Variants in NALCN observed in about 807,000 individuals in gnomAD.
NALCN encodes sodium leak channel, non-selective.
In NALCN, 111 loss-of-function variants were observed where a neutral mutation model predicts 225.3. The observed-to-expected ratio is 0.49, with a 90% confidence interval of 0.42 to 0.58. NALCN has a LOEUF of 0.58. NALCN is among the 20% of genes least tolerant of loss of function. The pLI is 0.00. For missense variants in NALCN, 1,378 were observed against 2,202.4 expected, an observed-to-expected ratio of 0.63 and a Z score of 7.49; for synonymous variants, 764 against 769.0, an observed-to-expected ratio of 0.99 and a Z score of 0.11.
chr13:101,283,917 T>C lies in NALCN; in HGVS notation c.1134+16A>G, dbSNP rs377412669. 8.2e-6 allele frequency: 13 copies of C among 1,579,764 alleles called. No homozygotes were observed. The highest frequency in any genetic ancestry group is 1.0e-5 in the Non-Finnish European group (12 of 1,166,260). On this transcript the variant is annotated intron_variant, in intron 10 of 43. Coordinates refer to ENST00000251127, the MANE Select transcript of NALCN (RefSeq NM_052867.4). ...ACCTTTGCTGGGCGATTTTTAAAAA[T>C]GTCATTGTACTGCACCTGGAGGCAG...
At chr13:101,322,770 T>C (rs1175323057) in intron 7 of NALCN, among the ~76,000 whole-genome samples, 1 of 152,176 alleles carries the variant, frequency 6.6e-6, no homozygotes, top group Non-Finnish European at 1.5e-5. Context: ...TGAAATTTAG[T>C]GGCATGATCT....
At chr13:101,212,834 A>T (rs2040577390) in intron 13 of NALCN, among the ~76,000 whole-genome samples, 1 of 152,046 alleles carries the variant, frequency 6.6e-6, no homozygotes, top group South Asian at 2.1e-4. Context: ...TATCCATCTG[A>T]TAGGAAGGAT....
At chr13:101,199,451 A>G (rs895962025) in intron 13 of NALCN, among the ~76,000 whole-genome samples, 1 of 151,822 alleles carries the variant, frequency 6.6e-6, no homozygotes, top group African/African-American at 2.4e-5. Context: ...CATATACACA[A>G]TGGAATACTA....
chr13:101,230,240 A>T (rs1021193380), intron 12 of NALCN, among the ~76,000 whole-genome samples: 2 of 152,240 alleles, frequency 1.3e-5, no homozygotes, highest in African/African-American at 4.8e-5. Context: ...TGGGATACAG[A>T]TACTCAACCT....
intron 6 of NALCN, among the ~76,000 whole-genome samples, chr13:101,358,113 T>C (rs1594736552): frequency 6.6e-6 from 1 of 152,104 alleles, no homozygotes. Flanking sequence ...ATTCAGGACA[T>C]AGACATGGAC....
chr13:101,306,529 C>T (rs572331730), intron 7 of NALCN, among the ~76,000 whole-genome samples: 74 of 152,312 alleles, frequency 4.9e-4, no homozygotes, highest in African/African-American at 1.6e-3. Flanking sequence ...TCTTTTATAC[C>T]AGTCCTGATG....
At position 101,095,962 on chromosome 13, in the gene NALCN, T is replaced by C. The variant is rs528100704; in HGVS notation, c.3163-282A>G. ...AAAGCACACGACAAGATGCTCAGTATCATGTGCCATCTGCCATCCGGAAAA... is the reference window on the plus strand; with the variant it reads ...AAAGCACACGACAAGATGCTCAGTACCATGTGCCATCTGCCATCCGGAAAA... On this transcript the variant is annotated intron_variant, in intron 27 of 43. Transcript: ENST00000251127. Among the ~76,000 whole-genome samples the C allele has an allele frequency of 5.9e-5, 9 of 151,338 alleles. 1 individual carries two copies. In the South Asian group the frequency reaches 1.9e-3, roughly 31 times the overall value.
rs373071408 is a variant in NALCN, at chr13:101,306,739, A to G, written c.800-14373T>C. Among the ~76,000 whole-genome samples, 28 of 152,302 alleles carry G rather than the reference A, an allele frequency of 1.8e-4. 1 individual carries two copies. Among genetic ancestry groups the G allele is most frequent in the African/African-American group, 5.5e-4 (23 of 41,558 alleles). Reference sequence around the variant, plus strand: ...ATCCTCACTGACACCTTAGTACTACAAACACCATTTTACTGATACAGAAAG... The same window carrying G: ...ATCCTCACTGACACCTTAGTACTACGAACACCATTTTACTGATACAGAAAG... On this transcript the variant is annotated intron_variant, in intron 7 of 43. Coordinates refer to ENST00000251127, the MANE Select transcript of NALCN (RefSeq NM_052867.4).
chr13:101,233,410 A>G (rs994813327), intron 12 of NALCN, among the ~76,000 whole-genome samples: 3 of 147,382 alleles, frequency 2.0e-5, no homozygotes, highest in Non-Finnish European at 4.4e-5. Flanking sequence ...GCGCAATCTC[A>G]GCTCACTGCA....
chr13:101,329,843 A>G (rs1303989096), intron 7 of NALCN, among the ~76,000 whole-genome samples: 1 of 151,920 alleles, frequency 6.6e-6, no homozygotes, highest in Non-Finnish European at 1.5e-5. Flanking sequence ...GTTCTAAACC[A>G]GCCTGGCCGA....
At chr13:101,397,385 C>T (rs4772377) in intron 2 of NALCN, among the ~76,000 whole-genome samples, 11,593 of 149,998 alleles carry the variant, frequency 0.077, 811 homozygotes, top group East Asian at 0.32. Flanking sequence ...ATACATATAT[C>T]ATGTATAGTC....
intron 1 of NALCN, among the ~76,000 whole-genome samples, chr13:101,400,301 G>C (rs2047430691): frequency 6.6e-6 from 1 of 152,104 alleles, no homozygotes; most frequent in South Asian, 2.1e-4. Flanking sequence ...TGTGTAAGGG[G>C]TTTAGAGTTG....
At chr13:101,308,155 A>G (rs1338873356) in intron 7 of NALCN, among the ~76,000 whole-genome samples, 2 of 152,220 alleles carry the variant, frequency 1.3e-5, no homozygotes, top group Non-Finnish European at 2.9e-5. Context: ...TATATTTATA[A>G]TGGACTGGGC....
chr13:101,087,463 C>G (rs1389865275), intron 30 of NALCN, among the ~76,000 whole-genome samples: 1 of 146,110 alleles, frequency 6.8e-6, no homozygotes, highest in Non-Finnish European at 1.5e-5. Context: ...TAGATGGCAG[C>G]TCATGAGCTG....
At chr13:101,404,256 C>T (rs9300663) in intron 1 of NALCN, among the ~76,000 whole-genome samples, 47,183 of 152,070 alleles carry the variant, frequency 0.31, 8,329 homozygotes, top group African/African-American at 0.49. Flanking sequence ...ATTCCCAACA[C>T]GTTTCTGTGC....
chr13:101,226,877 C>T (rs1356106676), intron 13 of NALCN, among the ~76,000 whole-genome samples: 2 of 152,188 alleles, frequency 1.3e-5, no homozygotes, highest in Admixed American at 6.5e-5. Flanking sequence ...CACTTTCCTC[C>T]ATGCTGGCTC....
intron 18 of NALCN, chr13:101,116,823 G>A: frequency 2.4e-6 from 1 of 410,626 alleles, no homozygotes; most frequent in Admixed American, 2.8e-5. Context: ...CACATTAGCA[G>A]ACAACAGGAA....
intron 6 of NALCN, chr13:101,369,128 T>G (rs1002452998): frequency 4.5e-6 from 1 of 222,472 alleles, no homozygotes; most frequent in Non-Finnish European, 9.4e-6. Flanking sequence ...TCTTCTTAAA[T>G]AGTAAACAAA....
intron 2 of NALCN, among the ~76,000 whole-genome samples, chr13:101,396,359 T>C (rs2047292903): frequency 6.6e-6 from 1 of 152,102 alleles, no homozygotes; most frequent in Admixed American, 6.5e-5. Flanking sequence ...ATAATCCAAA[T>C]ACGTTTTTAT....
Sources: gnomAD v4.1 joint callset for allele counts (sites outside exome capture counted in the v4.1 genomes callset) on GRCh38, gnomAD v4.1.1 for gene constraint, MANE v1.5 for transcripts, NCBI Gene and HGNC (gene_info 2026-07-23, HGNC 2026-07-21) for gene names.